DIP2B: variants seen among roughly 807,000 people sequenced by gnomAD.
The protein encoded by DIP2B is DIP2 acetate--CoA ligase B (putative).
DIP2B carries 76 observed loss-of-function variants against 198.0 expected under a neutral mutation model. The ratio of observed to expected loss-of-function variants is 0.38; its 90% confidence interval spans 0.32 to 0.46. The LOEUF is 0.46. DIP2B is among the 20% of genes least tolerant of loss of function. The pLI, the probability that DIP2B is intolerant of heterozygous loss-of-function variation, is 0.99. For missense variants in DIP2B, 1,559 were observed against 1,978.4 expected, an observed-to-expected ratio of 0.79 and a Z score of 4.02; for synonymous variants, 701 against 739.1, an observed-to-expected ratio of 0.95 and a Z score of 0.84.
intron 1 of DIP2B, among the ~76,000 whole-genome samples, chr12:50,615,477 C>T (rs1937682931): frequency 6.6e-6 from 1 of 152,188 alleles, no homozygotes; most frequent in Non-Finnish European, 1.5e-5. Context: ...ACTTTGTTGG[C>T]TCTTAGTGCT....
chr12:50,625,578 A>G (rs1937918094), intron 1 of DIP2B, among the ~76,000 whole-genome samples: 1 of 152,212 alleles, frequency 6.6e-6, no homozygotes, highest in African/African-American at 2.4e-5. Context: ...GTATAGCAGT[A>G]TAAGTGAATA....
chr12:50,675,352 T>G lies in DIP2B; in HGVS notation c.820T>G (p.Ser274Ala). The G allele has an allele frequency of 5.0e-6, 8 of 1,613,062 alleles. No individual in the cohort carries two copies. Among genetic ancestry groups the G allele is most frequent in the Non-Finnish European group, 6.8e-6 (8 of 1,179,276 alleles). The change falls in exon 7 of 38, where the codon TCT (serine) becomes GCT (alanine). Residue 274 changes from serine to alanine, a missense_variant. By Grantham distance (99) the Ser-to-Ala change is moderately conservative. Coordinates refer to ENST00000301180, the MANE Select transcript of DIP2B (RefSeq NM_173602.3). ...ADGVPVSSRV[S>A]TKIQQLLNTL... Reference sequence around the variant, plus strand: ...AGGTGTTCCTGTCAGTAGCAGAGTATCTACAAAAATCCAGCAGCTTCTGAA... The same window carrying G: ...AGGTGTTCCTGTCAGTAGCAGAGTAGCTACAAAAATCCAGCAGCTTCTGAA...
chr12:50,707,876 C>G (rs1294170822), intron 21 of DIP2B, among the ~76,000 whole-genome samples: 1 of 152,140 alleles, frequency 6.6e-6, no homozygotes, highest in African/African-American at 2.4e-5. Context: ...GGTCTGACCT[C>G]TCTCCCTCCC....
At chr12:50,652,361 A>G (rs945404622) in intron 3 of DIP2B, among the ~76,000 whole-genome samples, 9 of 148,618 alleles carry the variant, frequency 6.1e-5, no homozygotes, top group African/African-American at 2.0e-4. Flanking sequence ...ACACACACAC[A>G]CACACACACG....
chr12:50,690,938 A>T, intron 12 of DIP2B, 111 bp from the exon 13 acceptor site: 2 of 810,582 alleles, frequency 2.5e-6, no homozygotes, highest in Non-Finnish European at 3.9e-6. Flanking sequence ...TAAACATGTT[A>T]AATTCAGCCC....
intron 1 of DIP2B, among the ~76,000 whole-genome samples, chr12:50,536,115 T>G (rs1479955413): frequency 6.6e-6 from 1 of 151,936 alleles, no homozygotes; most frequent in Non-Finnish European, 1.5e-5. Flanking sequence ...ACATTTGGGT[T>G]GGTTCCAAGT....
chr12:50,639,990 G>A (rs913509827), intron 2 of DIP2B, among the ~76,000 whole-genome samples: 3 of 152,144 alleles, frequency 2.0e-5, no homozygotes, highest in Admixed American at 6.6e-5. Context: ...TGCAAGATTA[G>A]TAAGTTCTGC....
chr12:50,561,995 T>C (rs946384591), intron 1 of DIP2B, among the ~76,000 whole-genome samples: 3 of 152,248 alleles, frequency 2.0e-5, no homozygotes, highest in Admixed American at 1.3e-4. Flanking sequence ...AATAAGATCA[T>C]GTTTGTTATC....
rs572342812 is a variant in DIP2B at position 50,565,486 on chromosome 12, C to T, written c.100+60246C>T. On this transcript the variant is annotated intron_variant, in intron 1 of 37. Transcript: ENST00000301180. ...AATTGTTTTGTATTTTTAGTAGAGA[C>T]GGGGTTTCACTGTGTTAGCTAGGAT... Among the ~76,000 whole-genome samples, 11 of 152,184 alleles carry T rather than the reference C, an allele frequency of 7.2e-5. No homozygotes were observed. In the East Asian group the frequency reaches 1.7e-3, roughly 24 times the overall value.
chr12:50,584,191 C>T (rs1200770708), intron 1 of DIP2B, among the ~76,000 whole-genome samples: 1 of 152,236 alleles, frequency 6.6e-6, no homozygotes, highest in Non-Finnish European at 1.5e-5. Flanking sequence ...CATCCTCTAA[C>T]TTCCACCTTG....
intron 31 of DIP2B, 57 bp downstream of exon 31, chr12:50,731,594 G>T: frequency 1.3e-6 from 2 of 1,551,484 alleles, no homozygotes; most frequent in Non-Finnish European, 1.7e-6. Context: ...AAATGCGCCA[G>T]GACGTAACAG....
chr12:50,633,090 T>A (rs1009032303), intron 2 of DIP2B, among the ~76,000 whole-genome samples: 6 of 152,174 alleles, frequency 3.9e-5, no homozygotes, highest in Non-Finnish European at 7.3e-5. Context: ...TGTGAATGAT[T>A]TTTTTTGTGT....
rs1175391205 is a variant in DIP2B, at chr12:50,694,500, AATAAATAC to A, written c.1720-763_1720-756del. 1.8e-3 allele frequency among the ~76,000 whole-genome samples: 232 copies of A among 127,094 alleles called. 5 individuals are homozygous for A. In the Middle Eastern group the frequency reaches 0.021, roughly 12 times the overall value. 83.4% of individuals were successfully genotyped at this position (127,094 alleles called of 152,430 possible). Reference sequence around the variant, plus strand: ...ACAGAGCAGGACTCTGTCTCAGATAAATAAATACATACATACATACATACATACATACA... The same window carrying A: ...ACAGAGCAGGACTCTGTCTCAGATAAATACATACATACATACATACATACA... On this transcript the variant is annotated intron_variant, in intron 14 of 37. Coordinates refer to ENST00000301180, the MANE Select transcript of DIP2B (RefSeq NM_173602.3).
chr12:50,601,967 T>C (rs1958940692), intron 1 of DIP2B, among the ~76,000 whole-genome samples: 1 of 152,238 alleles, frequency 6.6e-6, no homozygotes, highest in African/African-American at 2.4e-5. Context: ...TAATTCAACA[T>C]TCTCATTTTG....
intron 30 of DIP2B, among the ~76,000 whole-genome samples, chr12:50,730,929 C>T (rs1321584233): frequency 6.6e-6 from 1 of 152,114 alleles, no homozygotes; most frequent in East Asian, 1.9e-4. Flanking sequence ...TGTCAGTGTT[C>T]TTGATTCACA....
chr12:50,509,780 A>G (rs993185406), intron 1 of DIP2B, among the ~76,000 whole-genome samples: 2 of 152,210 alleles, frequency 1.3e-5, no homozygotes, highest in Non-Finnish European at 2.9e-5. Context: ...TTTACCTATC[A>G]TGGGAAACGG....
chr12:50,575,174 A>T (rs1411899355), intron 1 of DIP2B, among the ~76,000 whole-genome samples: 1 of 150,582 alleles, frequency 6.6e-6, no homozygotes, highest in Non-Finnish European at 1.5e-5. Context: ...TCTGTCTCCA[A>T]CCCTGACCTC....
chr12:50,713,004 G>A (rs1939647353), intron 22 of DIP2B, among the ~76,000 whole-genome samples: 1 of 152,198 alleles, frequency 6.6e-6, no homozygotes, highest in South Asian at 2.1e-4. Flanking sequence ...TTCCTTTGAT[G>A]TAGAGAAGTG....
chr12:50,553,472 G>A (rs529569334), intron 1 of DIP2B, among the ~76,000 whole-genome samples: 22 of 152,306 alleles, frequency 1.4e-4, no homozygotes, highest in African/African-American at 5.3e-4. Context: ...TGTAACAAGA[G>A]ACAGCCTGTA....
Sources: allele counts gnomAD v4.1 joint callset (sites outside exome capture counted in the v4.1 genomes callset), GRCh38; gene constraint gnomAD v4.1.1; transcripts MANE v1.5; gene names NCBI Gene and HGNC (gene_info 2026-07-23, HGNC 2026-07-21).